Variants in PALM2AKAP2 observed in about 807,000 individuals in gnomAD.
PALM2AKAP2 encodes the protein PALM2 and AKAP2 fusion.
In PALM2AKAP2, 37 loss-of-function variants were observed where a neutral mutation model predicts 71.5. That is an observed-to-expected ratio of 0.52 (90% confidence interval 0.40 to 0.68). The LOEUF (loss-of-function observed/expected upper bound fraction) is 0.68, where lower values mean the gene tolerates loss of function less well. PALM2AKAP2 is among the 30% of genes least tolerant of loss of function. The pLI is 0.00. For synonymous variants in PALM2AKAP2, 468 were observed against 478.8 expected (o/e 0.98, Z 0.29); for missense variants, 1,224 against 1,191.8 (o/e 1.03, Z -0.40).
At chr9:109,995,705 C>T (rs910330248) in intron 6 of PALM2AKAP2, among the ~76,000 whole-genome samples, 11 of 152,160 alleles carry the variant, frequency 7.2e-5, no homozygotes, top group Non-Finnish European at 1.5e-5. Context: ...CAGTTACCTC[C>T]CACCAGGTCC....
chr9:109,863,850 TG>T (rs1362516205), intron 1 of PALM2AKAP2, among the ~76,000 whole-genome samples: 13 of 151,992 alleles, frequency 8.6e-5, no homozygotes, highest in Admixed American at 4.6e-4. Context: ...GAGACTGAGG[TG>T]GGTGGATCAC....
intron 1 of PALM2AKAP2, among the ~76,000 whole-genome samples, chr9:109,823,284 G>T (rs7864709): frequency 0.077 from 11,780 of 152,154 alleles, 548 homozygotes; most frequent in South Asian, 0.11. Context: ...AATGGACCCT[G>T]CCCTGAACCC....
chr9:109,915,956 T>C (rs1014020027), intron 3 of PALM2AKAP2, among the ~76,000 whole-genome samples: 4 of 152,052 alleles, frequency 2.6e-5, no homozygotes, highest in Non-Finnish European at 5.9e-5. Context: ...CTTGCTTTTT[T>C]TTTTTGAGAT....
At chr9:109,876,557 G>A (rs1226394971) in intron 2 of PALM2AKAP2, among the ~76,000 whole-genome samples, 2 of 152,152 alleles carry the variant, frequency 1.3e-5, no homozygotes, top group East Asian at 3.9e-4. Context: ...TCGGCTCACT[G>A]CAACATCTGC....
At chr9:109,659,629 T>C (rs955634832) in intron 1 of PALM2AKAP2, among the ~76,000 whole-genome samples, 3 of 152,200 alleles carry the variant, frequency 2.0e-5, no homozygotes, top group Non-Finnish European at 4.4e-5. Context: ...TATTTCAATG[T>C]ATAGTAGAAT....
intron 2 of PALM2AKAP2, among the ~76,000 whole-genome samples, chr9:109,873,702 C>A (rs117222536): frequency 0.018 from 2,697 of 152,196 alleles, 37 homozygotes; most frequent in Non-Finnish European, 0.029. Flanking sequence ...AAAAAGATTG[C>A]CAGTTATGAC....
intron 6 of PALM2AKAP2, among the ~76,000 whole-genome samples, chr9:109,983,762 G>A (rs767623170): frequency 1.5e-4 from 23 of 151,978 alleles, no homozygotes; most frequent in Non-Finnish European, 2.8e-4. Context: ...CTACTTGGGA[G>A]GCTGAGGCAT....
chr9:110,138,075 C>A (rs75000652), exon 2 of PALM2AKAP2: 1 of 1,557,120 alleles, frequency 6.4e-7, no homozygotes, highest in East Asian at 2.3e-5. Flanking sequence ...GCTGAAGCTG[C>A]GGCTTTCGGC....
chr9:109,682,643 C>A (rs1395926492), intron 1 of PALM2AKAP2, among the ~76,000 whole-genome samples: 3 of 152,174 alleles, frequency 2.0e-5, no homozygotes, highest in Non-Finnish European at 4.4e-5. Flanking sequence ...GGGCACTTGA[C>A]CTTTTATTTT....
chr9:109,850,993 C>A (rs927226421), intron 1 of PALM2AKAP2, among the ~76,000 whole-genome samples: 5 of 152,038 alleles, frequency 3.3e-5, no homozygotes, highest in African/African-American at 4.8e-5. Flanking sequence ...CTGGCTAACA[C>A]GGTGAAACCC....
intron 1 of PALM2AKAP2, among the ~76,000 whole-genome samples, chr9:109,768,813 T>C (rs1829204944): frequency 6.6e-6 from 1 of 152,226 alleles, no homozygotes; most frequent in Non-Finnish European, 1.5e-5. Flanking sequence ...CAGCACCATG[T>C]AAGTGTGTAT....
chr9:110,055,685 T>C (rs557175244), intron 1 of PALM2AKAP2, among the ~76,000 whole-genome samples: 1 of 152,272 alleles, frequency 6.6e-6, no homozygotes, highest in South Asian at 2.1e-4. Context: ...AGGATTCTCA[T>C]TGTGCAGAGT....
intron 1 of PALM2AKAP2, among the ~76,000 whole-genome samples, chr9:109,734,243 CA>C (rs1180749393): frequency 1.3e-5 from 2 of 151,902 alleles, no homozygotes; most frequent in South Asian, 2.1e-4. Context: ...AATTTGTAGT[CA>C]TTTTTTTTTT....
intron 6 of PALM2AKAP2, among the ~76,000 whole-genome samples, chr9:110,006,375 C>G (rs1013474697): frequency 6.8e-5 from 2 of 29,306 alleles, no homozygotes; most frequent in Non-Finnish European, 1.5e-4. Context: ...TCTTTCTTCT[C>G]TCTTTCTTTA....
chr9:110,117,556 A>C (rs999132123), intron 1 of PALM2AKAP2, among the ~76,000 whole-genome samples: 2 of 152,198 alleles, frequency 1.3e-5, no homozygotes. Context: ...TGCTGCTGAA[A>C]GAGTATACCT....
intron 7 of PALM2AKAP2, among the ~76,000 whole-genome samples, chr9:110,043,631 T>G (rs527928780): frequency 6.6e-6 from 1 of 152,142 alleles, no homozygotes; most frequent in African/African-American, 2.4e-5. Flanking sequence ...ACTTGCACTT[T>G]TTTAATTATG....
chr9:109,734,224 T>C (rs1427128413), intron 1 of PALM2AKAP2, among the ~76,000 whole-genome samples: 1 of 152,228 alleles, frequency 6.6e-6, no homozygotes, highest in Non-Finnish European at 1.5e-5. Context: ...TGGCTTTAAA[T>C]GTTTTAAGAA....
intron 7 of PALM2AKAP2, among the ~76,000 whole-genome samples, chr9:110,026,436 A>G (rs112177681): frequency 8.6e-5 from 13 of 151,924 alleles, no homozygotes; most frequent in Admixed American, 6.6e-5. Context: ...TAATTTTTTT[A>G]TTAGCCTAAT....
intron 1 of PALM2AKAP2, among the ~76,000 whole-genome samples, chr9:110,101,919 A>G (rs1458141898): frequency 6.6e-6 from 1 of 151,964 alleles, no homozygotes; most frequent in Non-Finnish European, 1.5e-5. Context: ...TTCCCAGATT[A>G]CTCCTGCCAC....
Sources: allele counts gnomAD v4.1 joint callset (sites outside exome capture counted in the v4.1 genomes callset), GRCh38; gene constraint gnomAD v4.1.1; transcripts MANE v1.5; gene names NCBI Gene and HGNC (gene_info 2026-07-23, HGNC 2026-07-21).